Variants in OXR1 observed in about 807,000 individuals in gnomAD.
OXR1 encodes the protein oxidation resistance protein 1.
OXR1 carries 41 observed loss-of-function variants against 104.6 expected under a neutral mutation model. The observed-to-expected ratio is 0.39, with a 90% CI of 0.31 to 0.51. The LOEUF is 0.51. OXR1 is among the 20% of genes least tolerant of loss of function. The pLI is 0.77. For missense variants in OXR1, 955 were observed against 1,031.9 expected, an observed-to-expected ratio of 0.93 and a Z score of 1.02; for synonymous variants, 348 against 348.4, an observed-to-expected ratio of 1.00 and a Z score of 0.01.
At chr8:106,492,118 A>C (rs1480622539) in intron 2 of OXR1, among the ~76,000 whole-genome samples, 1 of 152,172 alleles carries the variant, frequency 6.6e-6, no homozygotes, top group African/African-American at 2.4e-5. Flanking sequence ...TGTCCATCTG[A>C]TATCAATGTG....
chr8:106,670,934 A>G lies in OXR1; in HGVS notation c.221-8276A>G, dbSNP rs28921389. ...GTGGTGCGTGCCTGTAGTCCCAGCT[A>G]TTTGGGAGGCTGAGGCACAAGAATT... On this transcript the variant is annotated intron_variant, in intron 3 of 16. Transcript: ENST00000517566. 0.011 allele frequency among the ~76,000 whole-genome samples: 1,713 copies of G among 150,680 alleles called. 68 individuals carry two copies. In the East Asian group the frequency reaches 0.13, roughly 11 times the overall value.
intron 1 of OXR1, among the ~76,000 whole-genome samples, chr8:106,296,087 C>T (rs771224478): frequency 1.7e-4 from 26 of 152,168 alleles, no homozygotes; most frequent in Non-Finnish European, 3.2e-4. Flanking sequence ...CCAACTATCT[C>T]AGCACTTTTC....
At chr8:106,560,092 T>C (rs1453213) in intron 3 of OXR1, among the ~76,000 whole-genome samples, 107,552 of 151,888 alleles carry the variant, frequency 0.71, 38,200 homozygotes, top group South Asian at 0.8. Flanking sequence ...AGAGATAATA[T>C]GGAGAAAGCT....
intron 2 of OXR1, among the ~76,000 whole-genome samples, chr8:106,388,846 A>AGCTG (rs1165146618): frequency 6.6e-6 from 1 of 152,214 alleles, no homozygotes; most frequent in Non-Finnish European, 1.5e-5. Context: ...TAGGCTGGAA[A>AGCTG]GCTGATAGTA....
At chr8:106,734,040 G>A (rs1484757432) in intron 11 of OXR1, among the ~76,000 whole-genome samples, 1 of 149,856 alleles carries the variant, frequency 6.7e-6, no homozygotes, top group Non-Finnish European at 1.5e-5. Flanking sequence ...GCCCAGGATG[G>A]AGTGCAGTGG....
intron 4 of OXR1, among the ~76,000 whole-genome samples, chr8:106,679,563 T>G (rs1195701403): frequency 6.6e-6 from 1 of 151,992 alleles, no homozygotes; most frequent in African/African-American, 2.4e-5. Context: ...TAATTTTTAT[T>G]AGGTTAGGCT....
chr8:106,591,180 C>T (rs1819052519), intron 3 of OXR1, among the ~76,000 whole-genome samples: 1 of 149,622 alleles, frequency 6.7e-6, no homozygotes, highest in Admixed American at 6.7e-5. Context: ...AGCAAACTAT[C>T]GCAAGGACAA....
rs1825865497 is a variant in OXR1, at chr8:106,662,551, A to T, written c.221-16659A>T. On this transcript the variant is annotated intron_variant, in intron 3 of 16. Transcript: ENST00000517566. The stretch of plus-strand genomic sequence containing the variant: ...GAATAATAATTATAATAGACAAAAC[A>T]TATAGTGCTTGCTGTGTCTTACGCA... Among the ~76,000 whole-genome samples, 3 of 152,168 alleles carry T rather than the reference A, an allele frequency of 2.0e-5. No individual in the cohort carries two copies. The South Asian group carries it at 6.2e-4, about 32-fold the overall frequency.
At chr8:106,347,329 C>A (rs1039831033) in intron 1 of OXR1, among the ~76,000 whole-genome samples, 1 of 152,216 alleles carries the variant, frequency 6.6e-6, no homozygotes, top group Non-Finnish European at 1.5e-5. Flanking sequence ...TATGCCCTAA[C>A]AAATAATACT....
intron 2 of OXR1, among the ~76,000 whole-genome samples, chr8:106,403,345 T>C (rs1818079795): frequency 6.6e-6 from 1 of 152,238 alleles, no homozygotes; most frequent in African/African-American, 2.4e-5. Flanking sequence ...CTGCCCACCT[T>C]GCCTGTGACA....
chr8:106,553,400 C>G (rs969851896), intron 3 of OXR1, among the ~76,000 whole-genome samples: 1 of 151,286 alleles, frequency 6.6e-6, no homozygotes, highest in Non-Finnish European at 1.5e-5. Flanking sequence ...CTTACTGCAG[C>G]CTCAACTTCC....
At chr8:106,703,129 A>G in intron 8 of OXR1, 39 bp downstream of exon 8, 1 of 1,371,326 alleles carries the variant, frequency 7.3e-7, no homozygotes, top group Non-Finnish European at 1.0e-6. Flanking sequence ...ACTTTATTGT[A>G]TCTAGATAGT....
At chr8:106,611,963 G>C (rs968477041) in intron 3 of OXR1, among the ~76,000 whole-genome samples, 1 of 151,702 alleles carries the variant, frequency 6.6e-6, no homozygotes, top group Non-Finnish European at 1.5e-5. Flanking sequence ...AGGTCATTCT[G>C]TTTTTCGTGA....
At chr8:106,574,295 T>TGAGG (rs1482203462) in intron 3 of OXR1, among the ~76,000 whole-genome samples, 1 of 152,192 alleles carries the variant, frequency 6.6e-6, no homozygotes, top group East Asian at 1.9e-4. Context: ...TAGATTCTCC[T>TGAGG]AATTCCTCTG....
At chr8:106,382,619 G>C (rs1368599505) in intron 2 of OXR1, among the ~76,000 whole-genome samples, 1 of 150,460 alleles carries the variant, frequency 6.6e-6, no homozygotes, top group Non-Finnish European at 1.5e-5. Flanking sequence ...AGCTCTGCTA[G>C]AGGGTCCCGG....
chr8:106,445,522 A>G (rs897419795), intron 2 of OXR1, among the ~76,000 whole-genome samples: 1 of 152,152 alleles, frequency 6.6e-6, no homozygotes, highest in East Asian at 1.9e-4. Context: ...CTAAAAGACG[A>G]CTAGCCTCAT....
chr8:106,575,716 A>AGG, intron 3 of OXR1, among the ~76,000 whole-genome samples: 1 of 150,144 alleles, frequency 6.7e-6, no homozygotes, highest in East Asian at 2.0e-4. Context: ...AAAAAAAAAG[A>AGG]GAAAGGGGCT....
intron 11 of OXR1, among the ~76,000 whole-genome samples, chr8:106,730,821 AG>A (rs980811327): frequency 2.0e-5 from 3 of 152,022 alleles, no homozygotes; most frequent in African/African-American, 4.8e-5. Context: ...TCAACACTTT[AG>A]GAGGCTGAAG....
chr8:106,382,985 C>G (rs907264219), intron 2 of OXR1, among the ~76,000 whole-genome samples: 4 of 147,310 alleles, frequency 2.7e-5, no homozygotes, highest in African/African-American at 1.0e-4. Flanking sequence ...TGGAAGAGTA[C>G]TTTTTCTTTT....
Sources: allele counts gnomAD v4.1 joint callset (sites outside exome capture counted in the v4.1 genomes callset), GRCh38; gene constraint gnomAD v4.1.1; transcripts MANE v1.5; gene names NCBI Gene and HGNC (gene_info 2026-07-23, HGNC 2026-07-21).